The following FHIT variants were observed in gnomAD, a reference collection of about 807,000 sequenced individuals.
The protein encoded by FHIT is fragile histidine triad diadenosine triphosphatase, also known as bis(5'-adenosyl)-triphosphatase.
FHIT carries 19 observed loss-of-function variants against 17.9 expected under a neutral mutation model. That is an observed-to-expected ratio of 1.06 (90% confidence interval 0.74 to 1.56). The LOEUF (loss-of-function observed/expected upper bound fraction) is 1.56. Among genes scored for constraint, FHIT ranks in the 40% most tolerant of loss-of-function variants. The pLI is 0.00. For missense variants in FHIT, 248 were observed against 189.2 expected, an observed-to-expected ratio of 1.31 and a Z score of -1.82; for synonymous variants, 81 against 69.7, an observed-to-expected ratio of 1.16 and a Z score of -0.81.
chr3:60,620,355 T>C (rs1169838189), intron 4 of FHIT, among the ~76,000 whole-genome samples: 1 of 152,224 alleles, frequency 6.6e-6, no homozygotes, highest in African/African-American at 2.4e-5. Flanking sequence ...CAGATGTTTA[T>C]AGTAACTTTA....
At chr3:60,504,708 G>A (rs951559062) in intron 5 of FHIT, among the ~76,000 whole-genome samples, 1 of 152,152 alleles carries the variant, frequency 6.6e-6, no homozygotes, top group African/African-American at 2.4e-5. Context: ...AAGAAAATAT[G>A]CTTTAGAAAT....
At chr3:60,610,980 G>T (rs2038768572) in intron 4 of FHIT, among the ~76,000 whole-genome samples, 1 of 152,130 alleles carries the variant, frequency 6.6e-6, no homozygotes, top group African/African-American at 2.4e-5. Flanking sequence ...TTCCTCATCT[G>T]TAAAATAGGA....
rs528533702 is a variant in FHIT, at chr3:60,762,445, A to G, written c.-18+59474T>C. On this transcript the variant is annotated intron_variant, in intron 4 of 9. Coordinates refer to ENST00000492590, the MANE Select transcript of FHIT (RefSeq NM_002012.4). The stretch of plus-strand genomic sequence containing the variant: ...TGCCTGTGATGCCCAGGGATGGAGT[A>G]GTCAGTTTGTAGCCTATGAGGACAA... 7.2e-5 allele frequency among the ~76,000 whole-genome samples: 11 copies of G among 152,276 alleles called. No homozygotes were observed. The South Asian group carries it at 1.7e-3, about 23-fold the overall frequency.
chr3:60,955,635 C>CATATATATATATATATATATATACAT lies in FHIT; in HGVS notation c.-111+86411_-111+86412insATGTATATATATATATATATATATAT, dbSNP rs1553778580. Among the ~76,000 whole-genome samples, 104 of 48,194 alleles carry CATATATATATATATATATATATACAT rather than the reference C, an allele frequency of 2.2e-3. 4 individuals carry two copies. Among genetic ancestry groups the CATATATATATATATATATATATACAT allele is most frequent in the Non-Finnish European group, 2.9e-3 (65 of 22,730 alleles). 31.6% of individuals were successfully genotyped at this position (48,194 alleles called of 152,430 possible). ...ATATATATATATATATATATATATACACACACACACATATATACATGTGAC... is the reference window on the plus strand; with the variant it reads ...ATATATATATATATATATATATATACATATATATATATATATATATATACATACACACACACATATATACATGTGAC... On this transcript the variant is annotated intron_variant, in intron 3 of 9. Transcript: ENST00000492590.
intron 9 of FHIT, chr3:59,751,208 CA>C (rs2106723406): frequency 5.9e-6 from 1 of 168,196 alleles, no homozygotes; most frequent in East Asian, 9.9e-5. Flanking sequence ...TATTTATAAA[CA>C]AATTTCAGAG....
In FHIT at chr3:61,202,790, G is replaced by A. The variant is rs185260269; in HGVS notation, c.-212-2125C>T. Among the ~76,000 whole-genome samples the A allele has an allele frequency of 1.9e-3, 294 of 152,190 alleles. 1 individual carries two copies. The highest frequency in any genetic ancestry group is 6.7e-3 in the African/African-American group (277 of 41,528). Reference sequence around the variant, plus strand: ...CAACAGTGCGGACACTGTGTCTCACGCCTGTAATCCCAGCACTTTGGGACA... The same window carrying A: ...CAACAGTGCGGACACTGTGTCTCACACCTGTAATCCCAGCACTTTGGGACA... On this transcript the variant is annotated intron_variant, in intron 1 of 9. Coordinates refer to ENST00000492590, the MANE Select transcript of FHIT (RefSeq NM_002012.4).
At chr3:60,221,904 G>GT (rs141295760) in intron 5 of FHIT, among the ~76,000 whole-genome samples, 2,774 of 151,886 alleles carry the variant, frequency 0.018, 86 homozygotes, top group African/African-American at 0.063. Flanking sequence ...GAAATTAGTT[G>GT]TTTTTTCAGC....
At chr3:60,170,698 C>G (rs192983078) in intron 5 of FHIT, among the ~76,000 whole-genome samples, 2 of 152,038 alleles carry the variant, frequency 1.3e-5, no homozygotes, top group African/African-American at 4.8e-5. Flanking sequence ...TAAATCCTAG[C>G]AAGATCAAAC....
intron 5 of FHIT, among the ~76,000 whole-genome samples, chr3:60,408,400 G>A (rs753614970): frequency 3.3e-5 from 5 of 151,988 alleles, no homozygotes; most frequent in East Asian, 1.9e-4. Context: ...AACTACCTGC[G>A]TCCACAACAT....
intron 5 of FHIT, among the ~76,000 whole-genome samples, chr3:60,189,546 C>G (rs950025334): frequency 6.6e-6 from 1 of 152,102 alleles, no homozygotes; most frequent in Non-Finnish European, 1.5e-5. Context: ...TACAAATGAC[C>G]ACAGAAGAAT....
At chr3:60,738,230 G>A (rs1228866000) in intron 4 of FHIT, among the ~76,000 whole-genome samples, 5 of 152,192 alleles carry the variant, frequency 3.3e-5, no homozygotes, top group African/African-American at 9.7e-5. Context: ...AGAGCTGTGC[G>A]AACATGATAA....
At position 60,980,474 on chromosome 3, in the gene FHIT, T is replaced by C. The variant is rs113723265; in HGVS notation, c.-111+61573A>G. On this transcript the variant is annotated intron_variant, in intron 3 of 9. Coordinates refer to ENST00000492590, the MANE Select transcript of FHIT (RefSeq NM_002012.4). ...CTGATGTGAGCCACTTTCTATCTAA[T>C]TTAGCTCATCAATCACCTCACCCTC... 7.0e-3 allele frequency among the ~76,000 whole-genome samples: 1,060 copies of C among 152,262 alleles called. 5 individuals are homozygous for C. Among genetic ancestry groups the C allele is most frequent in the Non-Finnish European group, 0.012 (818 of 68,022 alleles).
At chr3:60,184,129 C>A (rs1247164961) in intron 5 of FHIT, among the ~76,000 whole-genome samples, 4 of 151,792 alleles carry the variant, frequency 2.6e-5, no homozygotes, top group Non-Finnish European at 1.5e-5. Context: ...CTCGGATTAC[C>A]GGGCATTATC....
intron 5 of FHIT, among the ~76,000 whole-genome samples, chr3:60,032,340 T>A (rs35830310): frequency 6.6e-6 from 1 of 151,888 alleles, no homozygotes; most frequent in Non-Finnish European, 1.5e-5. Context: ...TGGTCTCAGC[T>A]ACTCAGGAGA....
chr3:60,773,739 A>T (rs2108079499), intron 4 of FHIT, among the ~76,000 whole-genome samples: 1 of 152,376 alleles, frequency 6.6e-6, no homozygotes, highest in African/African-American at 2.4e-5. Flanking sequence ...TAGTTTATTC[A>T]CTTGGGAACT....
chr3:60,562,864 T>C lies in FHIT; in HGVS notation c.-17-25885A>G, dbSNP rs199721855. ...TTATTTTGGAATTCATTTGAGAAAT[T>C]TGAGGACCCAGGCATAGACAAGGGC... On this transcript the variant is annotated intron_variant, in intron 4 of 9. Transcript: ENST00000492590. 9.2e-5 allele frequency among the ~76,000 whole-genome samples: 14 copies of C among 152,280 alleles called. No individual in the cohort carries two copies. The East Asian group carries it at 1.2e-3, about 13-fold the overall frequency.
In FHIT at chr3:60,295,884, C is replaced by A. The variant is rs148391382; in HGVS notation, c.103+240976G>T. Among the ~76,000 whole-genome samples the A allele has an allele frequency of 1.8e-3, 279 of 152,222 alleles. 1 individual carries two copies. The highest frequency in any genetic ancestry group is 6.2e-3 in the African/African-American group (256 of 41,576). On this transcript the variant is annotated intron_variant, in intron 5 of 9. Coordinates refer to ENST00000492590, the MANE Select transcript of FHIT (RefSeq NM_002012.4). ...GGTTTGGCTGTGTCCCCACCCAAATCTCATCTTGAATTGTAGCTCCCATGA... is the reference window on the plus strand; with the variant it reads ...GGTTTGGCTGTGTCCCCACCCAAATATCATCTTGAATTGTAGCTCCCATGA...
intron 5 of FHIT, among the ~76,000 whole-genome samples, chr3:60,426,837 C>T (rs888422733): frequency 3.9e-5 from 6 of 152,108 alleles, no homozygotes; most frequent in Admixed American, 6.6e-5. Context: ...GTGCTCTCTA[C>T]GACTTTTGGT....
intron 2 of FHIT, among the ~76,000 whole-genome samples, chr3:61,195,944 T>C (rs2038841279): frequency 6.6e-6 from 1 of 152,150 alleles, no homozygotes; most frequent in African/African-American, 2.4e-5. Flanking sequence ...AAAAATTTTA[T>C]ATTAAAGAAA....
Sources: gnomAD v4.1 joint callset for allele counts (sites outside exome capture counted in the v4.1 genomes callset) on GRCh38, gnomAD v4.1.1 for gene constraint, MANE v1.5 for transcripts, NCBI Gene and HGNC (gene_info 2026-07-23, HGNC 2026-07-21) for gene names.